Variants in NSA2 observed in about 807,000 individuals in gnomAD.
The protein encoded by NSA2 is ribosome biogenesis protein NSA2 homolog.
A neutral mutation model predicts 34.8 loss-of-function variants in NSA2; 18 were observed. The ratio of observed to expected loss-of-function variants is 0.52; its 90% CI spans 0.36 to 0.77. NSA2 has a LOEUF of 0.77. Among genes scored for constraint, NSA2 ranks in the 30% least tolerant of loss-of-function variants. The pLI is 0.00. For missense variants in NSA2, 188 were observed against 314.7 expected, an observed-to-expected ratio of 0.60 and a Z score of 3.05; for synonymous variants, 79 against 100.2, an observed-to-expected ratio of 0.79 and a Z score of 1.26.
At position 74,769,016 on chromosome 5, in the gene NSA2, G is replaced by A. The variant is rs745817717; in HGVS notation, c.89G>A (p.Arg30Gln). 6.2e-7 allele frequency: 1 copy of A among 1,611,502 alleles called. No individual in the cohort carries two copies. Among genetic ancestry groups the A allele is most frequent in the Non-Finnish European group, 8.5e-7 (1 of 1,179,214 alleles). Residue 30 changes from arginine (R) to glutamine (Q), a missense_variant, in exon 2 of 6, where the codon CGA becomes CAA. Coordinates refer to ENST00000610426, the MANE Select transcript of NSA2 (RefSeq NM_014886.6). ...GAGAAAAAGAGAAAGAAGGAAAGTC[G>A]AGAGGCTCATGAACGTTCAAAGAAG... ...YHEKKRKKES[R>Q]EAHERSKKAK...
chr5:74,771,236 C>T (rs181513975), intron 4 of NSA2, among the ~76,000 whole-genome samples: 13 of 150,322 alleles, frequency 8.6e-5, no homozygotes, highest in South Asian at 4.2e-4. Context: ...GCTGAGATCA[C>T]GCCATTGCAC....
chr5:74,768,725 T>A (rs539200573), intron 1 of NSA2, among the ~76,000 whole-genome samples: 3 of 152,298 alleles, frequency 2.0e-5, no homozygotes, highest in African/African-American at 7.2e-5. Flanking sequence ...CCTAATGAGA[T>A]TATTAGAGAT....
chr5:74,774,172 T>C (rs1406811170), intron 5 of NSA2, 112 bp downstream of exon 5: 1 of 608,174 alleles, frequency 1.6e-6, no homozygotes, highest in Admixed American at 2.7e-5. Flanking sequence ...GCAGTAGAGC[T>C]AAAACACTGT....
At chr5:74,771,322 A>G (rs1040651109) in intron 4 of NSA2, among the ~76,000 whole-genome samples, 2 of 152,134 alleles carry the variant, frequency 1.3e-5, no homozygotes, top group African/African-American at 4.8e-5. Flanking sequence ...GAGATTTGAA[A>G]AAGTAGTATC....
In NSA2 at chr5:74,774,164, A is replaced by G; in HGVS notation, c.715+104A>G. 6 of 703,790 alleles carry G rather than the reference A, an allele frequency of 8.5e-6. No homozygotes were observed. The South Asian group carries it at 1.3e-4, about 16-fold the overall frequency. The allele number at this position is 703,790 out of a possible 1,614,324, so 43.6% of individuals were successfully genotyped here. A position where few individuals can be genotyped will look rare whatever the true frequency, so the allele number is the denominator to read the frequency against. On this transcript the variant is annotated intron_variant, in intron 5 of 5. Transcript: ENST00000610426. ...AATATACAGCAAATTTTTTTAATGC[A>G]GTAGAGCTAAAACACTGTAAATCAG...
chr5:74,767,414 G>A (rs192026955), intron 1 of NSA2, 51 bp downstream of exon 1: 7 of 1,607,472 alleles, frequency 4.4e-6, no homozygotes, highest in East Asian at 2.2e-5. Context: ...GAGTTAGTGG[G>A]ACCTGAGGAC....
chr5:74,775,140 T>G (rs1745068711), intron 5 of NSA2, among the ~76,000 whole-genome samples: 1 of 151,758 alleles, frequency 6.6e-6, no homozygotes, highest in Non-Finnish European at 1.5e-5. Context: ...CGCTTGAACC[T>G]GGGAGGTGGA....
rs1013020653 is a variant in NSA2, at chr5:74,779,212, A to G, written c.*2541A>G. ...CCCCCAATGGTCATATATGATTAAT[A>G]AACATTTTTTGTAAACTCAACTATA... On this transcript the variant is annotated 3_prime_UTR_variant, in exon 6 of 6. Transcript: ENST00000610426. 3.3e-5 allele frequency: 5 copies of G among 152,178 alleles called. No homozygotes were observed. The highest frequency in any genetic ancestry group is 1.2e-4 in the African/African-American group (5 of 41,460). The allele number at this position is 152,178 out of a possible 1,614,324, so 9.4% of individuals were successfully genotyped here.
intron 5 of NSA2, among the ~76,000 whole-genome samples, chr5:74,775,461 A>T (rs1477770489): frequency 6.6e-6 from 1 of 151,710 alleles, no homozygotes; most frequent in Non-Finnish European, 1.5e-5. Context: ...CTAAAAATAC[A>T]AAACAATTAG....
At chr5:74,768,848 C>A (rs1448376679) in intron 1 of NSA2, 83 bp from the exon 2 acceptor site, 4 of 952,788 alleles carry the variant, frequency 4.2e-6, no homozygotes, top group Non-Finnish European at 6.1e-6. Context: ...GAAACAGGGT[C>A]TTTGTGCTGT....
At chr5:74,772,431 T>C (rs1187017779) in intron 4 of NSA2, among the ~76,000 whole-genome samples, 1 of 152,174 alleles carries the variant, frequency 6.6e-6, no homozygotes, top group African/African-American at 2.4e-5. Flanking sequence ...CGTGAGTAAT[T>C]TTTAATAGAT....
intron 3 of NSA2, among the ~76,000 whole-genome samples, chr5:74,769,859 A>G (rs1368023630): frequency 6.6e-6 from 1 of 152,166 alleles, no homozygotes; most frequent in African/African-American, 2.4e-5. Flanking sequence ...GCCTTACACT[A>G]TTTCAGTTTT....
chr5:74,767,844 G>C (rs550611292), intron 1 of NSA2, among the ~76,000 whole-genome samples: 2 of 152,274 alleles, frequency 1.3e-5, no homozygotes, highest in South Asian at 4.1e-4. Context: ...CTTTCTCTTT[G>C]TGTTACGTCT....
intron 1 of NSA2, among the ~76,000 whole-genome samples, chr5:74,767,981 T>C (rs1744757567): frequency 6.6e-6 from 1 of 152,270 alleles, no homozygotes; most frequent in Non-Finnish European, 1.5e-5. Context: ...CTCTCTGTGC[T>C]GGACTTGGCT....
chr5:74,772,213 C>T (rs775476474), intron 4 of NSA2, among the ~76,000 whole-genome samples: 6 of 151,684 alleles, frequency 4.0e-5, no homozygotes, highest in African/African-American at 7.3e-5. Context: ...CAAGCTCCGC[C>T]TCCCGGGTTC....
Position 74,776,607 on chromosome 5 carries a change from A to G in NSA2, c.719A>G (p.Lys240Arg), listed in dbSNP as rs1745137103. 6.3e-7 allele frequency: 1 copy of G among 1,579,708 alleles called. No homozygotes were observed. The change falls in exon 6 of 6, where the codon AAA becomes AGA. Residue 240 changes from lysine to arginine, a missense_variant. By Grantham distance (26) the Lys-to-Arg change is conservative (BLOSUM62 2). Coordinates refer to ENST00000610426, the MANE Select transcript of NSA2 (RefSeq NM_014886.6). Reference sequence around the variant, plus strand: ...TTTTTGGTTTTGTTTTCCTTAGGAAAATATGCCCAGGTTACCAACAATCCT... The same window carrying G: ...TTTTTGGTTTTGTTTTCCTTAGGAAGATATGCCCAGGTTACCAACAATCCT... ...VTQGGKVIWG[K>R]YAQVTNNPEN...
intron 4 of NSA2, among the ~76,000 whole-genome samples, chr5:74,772,744 G>A (rs1478685002): frequency 1.3e-5 from 2 of 152,178 alleles, no homozygotes; most frequent in African/African-American, 4.8e-5. Flanking sequence ...TAGGTTTTCT[G>A]TAGTTTCACA....
chr5:74,768,497 T>C (rs758869742), intron 1 of NSA2, among the ~76,000 whole-genome samples: 2 of 152,214 alleles, frequency 1.3e-5, no homozygotes, highest in Non-Finnish European at 2.9e-5. Context: ...CTTTGTATTT[T>C]GATTGTGGTG....
Position 74,777,215 on chromosome 5 carries a change from A to T in NSA2, c.*544A>T, listed in dbSNP as rs1034014182. 6 of 152,062 alleles carry T rather than the reference A, an allele frequency of 3.9e-5. No homozygotes were observed. Among genetic ancestry groups the T allele is most frequent in the African/African-American group, 1.2e-4 (5 of 41,406 alleles). The allele number at this position is 152,062 out of a possible 1,614,324, so 9.4% of individuals were successfully genotyped here. A position where few individuals can be genotyped will look rare whatever the true frequency, so the allele number is the denominator to read the frequency against. ...GGTCTAGTGAATTCACATTCTAAACATTTTTTTCATCTCATTTACCATGTA... is the reference window on the plus strand; with the variant it reads ...GGTCTAGTGAATTCACATTCTAAACTTTTTTTTCATCTCATTTACCATGTA... On this transcript the variant is annotated 3_prime_UTR_variant, in exon 6 of 6. Coordinates refer to ENST00000610426, the MANE Select transcript of NSA2 (RefSeq NM_014886.6).
Sources: gnomAD v4.1 joint callset for allele counts (sites outside exome capture counted in the v4.1 genomes callset) on GRCh38, gnomAD v4.1.1 for gene constraint, MANE v1.5 for transcripts, NCBI Gene and HGNC (gene_info 2026-07-23, HGNC 2026-07-21) for gene names.